The following FSIP2 variants were observed in gnomAD, a reference collection of about 807,000 sequenced individuals.
FSIP2 encodes fibrous sheath-interacting protein 2.
Under a neutral mutation model 510.5 loss-of-function variants are expected in FSIP2, and 367 were observed. The observed-to-expected ratio is 0.72, with a 90% CI of 0.66 to 0.78. The LOEUF is 0.78. Among genes scored for constraint, FSIP2 ranks in the 30% least tolerant of loss-of-function variants. The pLI, the probability that FSIP2 is intolerant of heterozygous loss-of-function variation, is 0.00. For missense variants in FSIP2, 7,594 were observed against 7,901.7 expected, an observed-to-expected ratio of 0.96 and a Z score of 1.48; for synonymous variants, 2,601 against 2,732.2, an observed-to-expected ratio of 0.95 and a Z score of 1.50.
intron 14 of FSIP2, among the ~76,000 whole-genome samples, 189 bp from the exon 15 acceptor site, chr2:185,786,063 G>A (rs372363856): frequency 1.2e-4 from 18 of 151,876 alleles, no homozygotes; most frequent in East Asian, 7.8e-4. Context: ...GCACATTTCC[G>A]AAACTAGAGG....
At position 185,801,682 on chromosome 2, in the gene FSIP2, T is replaced by C. The variant is rs1394130046; in HGVS notation, c.12376T>C (p.Ser4126Pro). ...TCAAAGTAACCTAACAGAATTTACT[T>C]CTCTACCCAGGTCTTCATCAGACTA... Reference protein sequence around the residue: ...KLQSNLTEFTSLPRSSSDYST... With the variant: ...KLQSNLTEFTPLPRSSSDYST... The change falls in exon 17 of 23, where the codon TCT (serine) becomes CCT (proline). Residue 4126 changes from serine (S) to proline (P), a missense_variant. By Grantham distance (74) the Ser-to-Pro change is moderately conservative (BLOSUM62 -1). Coordinates refer to ENST00000424728, the MANE Select transcript of FSIP2 (RefSeq NM_173651.4). 1 of 1,527,238 alleles carries C rather than the reference T, an allele frequency of 6.5e-7. No homozygotes were observed. Among genetic ancestry groups the C allele is most frequent in the East Asian group, 2.5e-5 (1 of 40,810 alleles). The allele number at this position is 1,527,238 out of a possible 1,614,324, so 94.6% of individuals were successfully genotyped here.
Position 185,794,898 on chromosome 2 carries a change from A to G in FSIP2, c.7762A>G (p.Lys2588Glu). The change falls in exon 16 of 23, where the codon AAA becomes GAA. Residue 2588 changes from lysine to glutamate, a missense_variant. Coordinates refer to ENST00000424728, the MANE Select transcript of FSIP2 (RefSeq NM_173651.4). The part of the protein sequence containing the change: ...LMKPLRFRET[K>E]QAGKISNSPR... ...GAAACCATTAAGGTTTAGAGAAACT[A>G]AACAAGCAGGAAAAATAAGTAATTC... The G allele has an allele frequency of 1.3e-6, 2 of 1,534,488 alleles. No individual in the cohort carries two copies. Among genetic ancestry groups the G allele is most frequent in the Non-Finnish European group, 1.7e-6 (2 of 1,145,722 alleles).
intron 20 of FSIP2, among the ~76,000 whole-genome samples, 196 bp from the exon 21 acceptor site, chr2:185,827,960 C>A (rs1053720607): frequency 1.3e-5 from 2 of 151,786 alleles, no homozygotes; most frequent in African/African-American, 4.8e-5. Context: ...AGGGCTAAGA[C>A]GTCCCAATAT....
chr2:185,798,579 C>T (rs560449702), intron 16 of FSIP2, among the ~76,000 whole-genome samples: 5 of 151,924 alleles, frequency 3.3e-5, no homozygotes, highest in South Asian at 4.1e-4. Context: ...ATACATCACA[C>T]ATCATTCTAA....
At chr2:185,744,786 T>C (rs916410798) in intron 4 of FSIP2, 1 of 153,194 alleles carries the variant, frequency 6.5e-6, no homozygotes, top group Non-Finnish European at 1.5e-5. Flanking sequence ...TAATTATCTG[T>C]AGTGTTCTAC....
intron 5 of FSIP2, 44 bp from the exon 6 acceptor site, chr2:185,746,625 G>T: frequency 2.1e-6 from 3 of 1,431,944 alleles, no homozygotes; most frequent in Non-Finnish European, 1.8e-6. Flanking sequence ...CATCATAAAA[G>T]AAACAGCCAA....
At position 185,792,440 on chromosome 2, in the gene FSIP2, A is replaced by T; in HGVS notation, c.5304A>T (p.Lys1768Asn). ...AAACCTTAAACAAAATTGAAGTAAA[A>T]CTCAAAGAACCACATATATCTCCAA... ...LEKTLNKIEV[K>N]LKEPHISPIA... The change falls in exon 16 of 23, where the codon AAA becomes AAT. Residue 1768 changes from lysine (K) to asparagine (N), a missense_variant. Transcript: ENST00000424728. The T allele has an allele frequency of 6.5e-7, 1 of 1,533,156 alleles. No individual in the cohort carries two copies. Among genetic ancestry groups the T allele is most frequent in the South Asian group, 1.2e-5 (1 of 83,940 alleles). 95.0% of individuals were successfully genotyped at this position (1,533,156 alleles called of 1,614,324 possible). A position where few individuals can be genotyped will look rare whatever the true frequency, so the allele number is the denominator to read the frequency against.
intron 19 of FSIP2, among the ~76,000 whole-genome samples, chr2:185,819,163 C>A (rs574894897): frequency 1.3e-5 from 2 of 151,634 alleles, no homozygotes; most frequent in Admixed American, 6.6e-5. Flanking sequence ...TCACATAATC[C>A]TTGTAGTAAG....
At chr2:185,832,989 T>C in intron 22 of FSIP2, 101 bp from the exon 23 acceptor site, 2 of 943,604 alleles carry the variant, frequency 2.1e-6, no homozygotes, top group Non-Finnish European at 1.7e-6. Context: ...TGGACCCTAT[T>C]ACCAGCTGGG....
Position 185,802,113 on chromosome 2 carries a change from T to A in FSIP2, c.12807T>A (p.Cys4269Ter). ...CATTTTTGAGTGGAGAGGTTTTATG[T>A]CATCCAAGGACTCCACTGGATCCAG... ...LQPFLSGEVL[C>*]HPRTPLDPVS... The change falls in exon 17 of 23, where the codon TGT becomes TGA. Residue 4269 changes from cysteine (C) to a stop codon, truncating the protein, a stop_gained. Transcript: ENST00000424728. LOFTEE classifies it high-confidence loss of function. 6.5e-7 allele frequency: 1 copy of A among 1,533,452 alleles called. No individual in the cohort carries two copies. Among genetic ancestry groups the A allele is most frequent in the African/African-American group, 1.4e-5 (1 of 72,952 alleles). 95.0% of individuals were successfully genotyped at this position (1,533,452 alleles called of 1,614,324 possible).
chr2:185,787,607 A>G (rs550971974), intron 15 of FSIP2, among the ~76,000 whole-genome samples: 1 of 151,912 alleles, frequency 6.6e-6, no homozygotes, highest in African/African-American at 2.4e-5. Flanking sequence ...CTACTTTATT[A>G]TATGTAAGAT....
intron 8 of FSIP2, among the ~76,000 whole-genome samples, chr2:185,754,070 C>A (rs1692197781): frequency 6.6e-6 from 1 of 151,382 alleles, no homozygotes; most frequent in African/African-American, 2.4e-5. Context: ...CTTGCCTGTA[C>A]TGCATTTGTA....
intron 15 of FSIP2, 115 bp downstream of exon 15, chr2:185,786,403 G>T: frequency 1.4e-6 from 1 of 694,240 alleles, no homozygotes; most frequent in African/African-American, 1.8e-5. Flanking sequence ...ATATTTGTTA[G>T]GCTTCCTTTT....
At position 185,806,919 on chromosome 2, in the gene FSIP2, A is replaced by G; in HGVS notation, c.17613A>G (p.Lys5871=). Residue 5871 remains lysine (K), a synonymous_variant, in exon 17 of 23, where the codon AAA becomes AAG. Coordinates refer to ENST00000424728, the MANE Select transcript of FSIP2 (RefSeq NM_173651.4). ...SSVPKVPPRY[K]EPTTDEAPSS... The stretch of plus-strand genomic sequence containing the variant: ...TTCCTAAAGTACCTCCAAGGTATAA[A>G]GAGCCAACTACAGATGAAGCACCAT... The G allele has an allele frequency of 6.2e-7, 1 of 1,611,522 alleles. No individual in the cohort carries two copies. Among genetic ancestry groups the G allele is most frequent in the Non-Finnish European group, 8.5e-7 (1 of 1,178,738 alleles).
chr2:185,775,747 C>A (rs1413578817), intron 13 of FSIP2, among the ~76,000 whole-genome samples: 2 of 152,030 alleles, frequency 1.3e-5, no homozygotes, highest in African/African-American at 4.8e-5. Flanking sequence ...CACTGCAACC[C>A]CTGCCTCCTG....
At chr2:185,821,008 T>G (rs1385311397) in intron 19 of FSIP2, among the ~76,000 whole-genome samples, 1 of 53,632 alleles carries the variant, frequency 1.9e-5, no homozygotes, top group Non-Finnish European at 3.7e-5. Context: ...AGTTGGTTCG[T>G]TAAAAAAAAA....
chr2:185,799,090 T>C (rs1285673703), intron 16 of FSIP2, among the ~76,000 whole-genome samples: 6 of 151,834 alleles, frequency 4.0e-5, no homozygotes, highest in Non-Finnish European at 7.4e-5. Context: ...TTGTAACAAA[T>C]AGAATTTTGG....
chr2:185,775,751 C>T (rs937319482), intron 13 of FSIP2, among the ~76,000 whole-genome samples: 1 of 152,154 alleles, frequency 6.6e-6, no homozygotes, highest in African/African-American at 2.4e-5. Context: ...GCAACCCCTG[C>T]CTCCTGGGTT....
rs146446394 is a variant in FSIP2, at chr2:185,810,018, G to A, written c.19827+885G>A. On this transcript the variant is annotated intron_variant, in intron 17 of 22. Transcript: ENST00000424728. Reference sequence around the variant, plus strand: ...GATGGCATGCATTTGTGGGAGGGCTGAGTATGCTTAGGCATGTAGTCTGTA... The same window carrying A: ...GATGGCATGCATTTGTGGGAGGGCTAAGTATGCTTAGGCATGTAGTCTGTA... 1.1e-3 allele frequency among the ~76,000 whole-genome samples: 169 copies of A among 152,166 alleles called. 1 individual carries two copies. In the East Asian group the frequency reaches 0.028, roughly 26 times the overall value.
Sources: gnomAD v4.1 joint callset for allele counts (sites outside exome capture counted in the v4.1 genomes callset) on GRCh38, gnomAD v4.1.1 for gene constraint, MANE v1.5 for transcripts, NCBI Gene and HGNC (gene_info 2026-07-23, HGNC 2026-07-21) for gene names.